MYO5B: variants seen among roughly 807,000 people sequenced by gnomAD.
The protein encoded by MYO5B is unconventional myosin-Vb.
Under a neutral mutation model 229.3 loss-of-function variants are expected in MYO5B, and 143 were observed. That is an observed-to-expected ratio of 0.62 (90% confidence interval 0.54 to 0.72). The LOEUF (loss-of-function observed/expected upper bound fraction) is 0.72, where lower values mean the gene tolerates loss of function less well. Among genes scored for constraint, MYO5B ranks in the 30% least tolerant of loss-of-function variants. The pLI, the probability that MYO5B is intolerant of heterozygous loss-of-function variation, is 0.00. For synonymous variants in MYO5B, 918 were observed against 885.2 expected (o/e 1.04, Z -0.66); for missense variants, 2,321 against 2,331.0 (o/e 1.00, Z 0.09).
intron 17 of MYO5B, among the ~76,000 whole-genome samples, chr18:49,923,630 A>T (rs1484448352): frequency 6.6e-6 from 1 of 152,120 alleles, no homozygotes; most frequent in Non-Finnish European, 1.5e-5. Context: ...ATGTGTATAG[A>T]CCTCTGCCTG....
intron 2 of MYO5B, among the ~76,000 whole-genome samples, chr18:50,053,947 G>A (rs900811991): frequency 6.6e-6 from 1 of 152,098 alleles, no homozygotes; most frequent in Non-Finnish European, 1.5e-5. Context: ...CCATCCCAAA[G>A]CCAACCCTTA....
intron 17 of MYO5B, among the ~76,000 whole-genome samples, chr18:49,926,296 G>A (rs1421326526): frequency 1.3e-5 from 2 of 152,186 alleles, no homozygotes; most frequent in Non-Finnish European, 2.9e-5. Flanking sequence ...ATTGTTTGTG[G>A]TTAAGTTGTT....
intron 4 of MYO5B, among the ~76,000 whole-genome samples, chr18:50,028,701 G>C (rs776149785): frequency 2.0e-5 from 3 of 152,200 alleles, no homozygotes; most frequent in Non-Finnish European, 4.4e-5. Flanking sequence ...CCTATACTGG[G>C]AATGGTAGGG....
intron 17 of MYO5B, among the ~76,000 whole-genome samples, chr18:49,913,289 T>C (rs945701429): frequency 6.6e-6 from 1 of 152,246 alleles, no homozygotes; most frequent in Non-Finnish European, 1.5e-5. Flanking sequence ...TATTTCCAGG[T>C]AGGGTCTGTC....
At chr18:49,966,587 C>A (rs1325658264) in intron 10 of MYO5B, among the ~76,000 whole-genome samples, 1 of 152,208 alleles carries the variant, frequency 6.6e-6, no homozygotes, top group Admixed American at 6.5e-5. Context: ...AAGAGCCACC[C>A]CAGCAATTGG....
At chr18:50,026,014 A>G (rs2026327209) in intron 4 of MYO5B, among the ~76,000 whole-genome samples, 1 of 152,252 alleles carries the variant, frequency 6.6e-6, no homozygotes, top group Non-Finnish European at 1.5e-5. Context: ...TTTTAAAAAG[A>G]TGTAAAAAAA....
In MYO5B at chr18:49,876,571, C is replaced by A. The variant is rs184070587; in HGVS notation, c.3397-744G>T. On this transcript the variant is annotated intron_variant, in intron 25 of 39. Coordinates refer to ENST00000285039, the MANE Select transcript of MYO5B (RefSeq NM_001080467.3). ...ACCAAGGCTTCATGTTTAACCAGCA[C>A]TGGACCAGTCTTGGCTTCCTTAAAG... Among the ~76,000 whole-genome samples, 25 of 152,336 alleles carry A rather than the reference C, an allele frequency of 1.6e-4. 1 individual carries two copies. The East Asian group carries it at 2.9e-3, about 18-fold the overall frequency.
Position 49,843,299 on chromosome 18 carries a change from T to C in MYO5B, c.4553A>G (p.Asp1518Gly), listed in dbSNP as rs1477657062. Residue 1518 changes from aspartate (D) to glycine (G), a missense_variant, in exon 34 of 40, where the codon GAT becomes GGT. Coordinates refer to ENST00000285039, the MANE Select transcript of MYO5B (RefSeq NM_001080467.3). ...CIRHADYTND[D>G]LKVHSLLTST... ...GGTCAGCAGGGAGTGCACCTTGAGA[T>C]CGTCGTTGGTGTAGTCCGCGTGCCG... 1.9e-6 allele frequency: 3 copies of C among 1,614,066 alleles called. No homozygotes were observed. Among genetic ancestry groups the C allele is most frequent in the African/African-American group, 2.7e-5 (2 of 74,916 alleles).
chr18:50,176,358 C>T (rs890911238), intron 1 of MYO5B, among the ~76,000 whole-genome samples: 8 of 152,164 alleles, frequency 5.3e-5, no homozygotes, highest in Non-Finnish European at 1.2e-4. Flanking sequence ...CCTCAATGAG[C>T]TTGTCAATGG....
At chr18:50,036,716 G>T in intron 4 of MYO5B, 134 bp downstream of exon 4, 1 of 1,037,082 alleles carries the variant, frequency 9.6e-7, no homozygotes, top group Non-Finnish European at 1.5e-6. Context: ...AACTTGGGCT[G>T]CTTTGTTTCC....
At chr18:49,987,916 G>T (rs2025888558) in intron 7 of MYO5B, among the ~76,000 whole-genome samples, 1 of 151,958 alleles carries the variant, frequency 6.6e-6, no homozygotes, top group Non-Finnish European at 1.5e-5. Flanking sequence ...ATTATTCTAG[G>T]GTATTGACCT....
intron 29 of MYO5B, among the ~76,000 whole-genome samples, chr18:49,862,574 ACT>A (rs995434481): frequency 5.9e-5 from 9 of 151,924 alleles, no homozygotes; most frequent in Non-Finnish European, 4.4e-5. Context: ...CTTCTCAGAC[ACT>A]CTGCCTTGGG....
intron 22 of MYO5B, among the ~76,000 whole-genome samples, chr18:49,892,221 C>G (rs1787617): frequency 6.6e-6 from 1 of 152,044 alleles, no homozygotes; most frequent in East Asian, 1.9e-4. Context: ...GGGAAGGAGG[C>G]TAAGGGCCTG....
At chr18:50,067,647 G>C (rs778296756) in intron 1 of MYO5B, among the ~76,000 whole-genome samples, 12 of 152,150 alleles carry the variant, frequency 7.9e-5, no homozygotes, top group Non-Finnish European at 1.6e-4. Context: ...TTGTTAAAAA[G>C]AGCCTGGCAC....
intron 13 of MYO5B, 48 bp downstream of exon 13, chr18:49,954,265 T>C (rs1375274379): frequency 3.7e-6 from 6 of 1,610,546 alleles, no homozygotes; most frequent in Non-Finnish European, 5.1e-6. Context: ...TTGAGTCTAC[T>C]TAGAGAGGGG....
chr18:50,133,815 C>T (rs1258131156), intron 1 of MYO5B, among the ~76,000 whole-genome samples: 2 of 152,082 alleles, frequency 1.3e-5, no homozygotes, highest in East Asian at 3.9e-4. Context: ...CCAGGTGATT[C>T]TAGATGCAAA....
At chr18:49,842,326 A>G (rs1289423353) in intron 34 of MYO5B, among the ~76,000 whole-genome samples, 2 of 152,182 alleles carry the variant, frequency 1.3e-5, no homozygotes, top group Admixed American at 6.5e-5. Flanking sequence ...TAGAGCCGTG[A>G]GTGGATAAAA....
chr18:50,110,197 T>G (rs190029703), intron 1 of MYO5B, among the ~76,000 whole-genome samples: 3 of 151,750 alleles, frequency 2.0e-5, no homozygotes, highest in Non-Finnish European at 4.4e-5. Context: ...AACGTGAACT[T>G]CTCTGCATGG....
At chr18:50,046,133 G>A (rs1423162094) in intron 2 of MYO5B, among the ~76,000 whole-genome samples, 2 of 152,154 alleles carry the variant, frequency 1.3e-5, no homozygotes, top group Non-Finnish European at 2.9e-5. Flanking sequence ...GTTACCAGCT[G>A]GCAAGAAGTT....
Sources: gnomAD v4.1 joint callset for allele counts (sites outside exome capture counted in the v4.1 genomes callset) on GRCh38, gnomAD v4.1.1 for gene constraint, MANE v1.5 for transcripts, NCBI Gene and HGNC (gene_info 2026-07-23, HGNC 2026-07-21) for gene names.